VPS35L: variants seen among roughly 807,000 people sequenced by gnomAD.
VPS35L encodes the protein VPS35 endosomal protein sorting factor like, also known as VPS35 endosomal protein-sorting factor-like.
Under a neutral mutation model 133.0 loss-of-function variants are expected in VPS35L, and 83 were observed. The observed-to-expected ratio is 0.62, with a 90% CI of 0.52 to 0.75. VPS35L has a LOEUF of 0.75. Among genes scored for constraint, VPS35L ranks in the 30% least tolerant of loss-of-function variants. VPS35L has a pLI of 0.00. For synonymous variants in VPS35L, 423 were observed against 449.9 expected (o/e 0.94, Z 0.76); for missense variants, 1,083 against 1,206.8 (o/e 0.90, Z 1.52).
Position 19,628,659 on chromosome 16 carries a change from G to C in VPS35L, c.1406G>C (p.Gly469Ala). The change falls in exon 17 of 31, where the codon GGA becomes GCA. Residue 469 changes from glycine to alanine, a missense_variant. By Grantham distance (60) the Gly-to-Ala change is moderately conservative. Coordinates refer to ENST00000417362, the MANE Select transcript of VPS35L (RefSeq NM_020314.7). ...FPKHLLFRSL[G>A]LNLALADPPE... The stretch of plus-strand genomic sequence containing the variant: ...TAGCATCTTCTTTTTCGATCACTGG[G>C]ATTAAACTTGGCCTTGGCTGATCCT... 6.3e-7 allele frequency: 1 copy of C among 1,592,476 alleles called. No homozygotes were observed. The highest frequency in any genetic ancestry group is 8.6e-7 in the Non-Finnish European group (1 of 1,165,530).
intron 16 of VPS35L, 151 bp downstream of exon 16, chr16:19,627,956 G>C (rs887299870): frequency 1.2e-5 from 8 of 664,982 alleles, no homozygotes; most frequent in Admixed American, 2.4e-5. Context: ...AGATGAGTTA[G>C]AGGTTGGGAT....
intron 26 of VPS35L, among the ~76,000 whole-genome samples, chr16:19,660,035 A>T (rs1974428118): frequency 6.6e-6 from 1 of 152,108 alleles, no homozygotes; most frequent in African/African-American, 2.4e-5. Context: ...TTAAGAACTT[A>T]CGATTTTTGG....
chr16:19,638,068 A>G (rs1413758356), intron 20 of VPS35L, among the ~76,000 whole-genome samples: 1 of 152,170 alleles, frequency 6.6e-6, no homozygotes, highest in Non-Finnish European at 1.5e-5. Context: ...AGTGTCTGAC[A>G]GTTGAGATTT....
Position 19,691,415 on chromosome 16 carries a change from T to C in VPS35L, c.2590T>C (p.Cys864Arg). 1.2e-6 allele frequency: 2 copies of C among 1,614,068 alleles called. No individual in the cohort carries two copies. The highest frequency in any genetic ancestry group is 2.2e-5 in the East Asian group (1 of 44,878). Residue 864 changes from cysteine (C) to arginine (R), a missense_variant, in exon 29 of 31, where the codon TGT (cysteine) becomes CGT (arginine). By Grantham distance (180) the Cys-to-Arg change is radical. Transcript: ENST00000417362. ...GTTCCTGGCAGAAAACAACAAGCTG[T>C]GTGAGACGGTGATGGCTCAGATCCT... ...SKFLAENNKL[C>R]ETVMAQILEH...
At chr16:19,627,875 G>A (rs957464462) in intron 16 of VPS35L, 70 bp downstream of exon 16, 2 of 1,301,466 alleles carry the variant, frequency 1.5e-6, no homozygotes, top group Admixed American at 3.4e-5. Flanking sequence ...TTGAGAGACA[G>A]TCCGGTTTTG....
chr16:19,618,903 A>G (rs1438801891), intron 14 of VPS35L, among the ~76,000 whole-genome samples: 1 of 146,546 alleles, frequency 6.8e-6, no homozygotes, highest in Non-Finnish European at 1.5e-5. Flanking sequence ...AGCGTAACTT[A>G]TTTTTCTTTG....
At chr16:19,690,690 C>T (rs931551992) in intron 28 of VPS35L, among the ~76,000 whole-genome samples, 1 of 152,182 alleles carries the variant, frequency 6.6e-6, no homozygotes, top group Admixed American at 6.5e-5. Flanking sequence ...GTGGCTCACA[C>T]CTGTAATCCC....
At chr16:19,642,607 C>T (rs1973820784) in intron 22 of VPS35L, 131 bp downstream of exon 22, 1 of 729,694 alleles carries the variant, frequency 1.4e-6, no homozygotes, top group East Asian at 2.9e-5. Context: ...AAGATTTTTG[C>T]TAACGAGGAC....
intron 14 of VPS35L, among the ~76,000 whole-genome samples, chr16:19,624,897 C>T (rs960563609): frequency 6.6e-6 from 1 of 152,116 alleles, no homozygotes; most frequent in Admixed American, 6.5e-5. Flanking sequence ...GGACTTAGCC[C>T]GAAACCTGGG....
At chr16:19,691,838 C>G (rs115498522) in intron 29 of VPS35L, among the ~76,000 whole-genome samples, 4,645 of 152,074 alleles carry the variant, frequency 0.031, 206 homozygotes, top group African/African-American at 0.1. Context: ...CCTCAGCTCC[C>G]TGACTAGAAT....
At chr16:19,612,752 C>T (rs548761322) in intron 12 of VPS35L, among the ~76,000 whole-genome samples, 8 of 152,198 alleles carry the variant, frequency 5.3e-5, no homozygotes, top group African/African-American at 1.9e-4. Flanking sequence ...TTTTTGCAAG[C>T]CTGTTCCCTT....
At chr16:19,623,722 A>T (rs1179098880) in intron 14 of VPS35L, among the ~76,000 whole-genome samples, 1 of 149,530 alleles carries the variant, frequency 6.7e-6, no homozygotes, top group East Asian at 1.9e-4. Context: ...AGACGTAGAT[A>T]TAGATCCCTT....
chr16:19,612,585 A>G (rs1972758990), intron 12 of VPS35L, among the ~76,000 whole-genome samples: 1 of 152,006 alleles, frequency 6.6e-6, no homozygotes, highest in Non-Finnish European at 1.5e-5. Flanking sequence ...GCTGCCTTTT[A>G]CCTTGTAGAA....
chr16:19,651,274 CATTT>C (rs1336608295), intron 25 of VPS35L, among the ~76,000 whole-genome samples: 2 of 147,298 alleles, frequency 1.4e-5, no homozygotes, highest in Admixed American at 6.7e-5. Context: ...GCTATTCATT[CATTT>C]ATTTATTTTT....
At chr16:19,632,927 T>C (rs562698659) in intron 18 of VPS35L, among the ~76,000 whole-genome samples, 165 bp from the exon 19 acceptor site, 2 of 152,242 alleles carry the variant, frequency 1.3e-5, no homozygotes, top group Non-Finnish European at 2.9e-5. Flanking sequence ...GACCGGGTGA[T>C]ATGAGTGAGA....
chr16:19,622,140 C>CTTTTTTTGTT (rs1973102716), intron 14 of VPS35L, among the ~76,000 whole-genome samples: 1 of 107,918 alleles, frequency 9.3e-6, no homozygotes, highest in Admixed American at 1.1e-4. Context: ...CCATGTATAT[C>CTTTTTTTGTT]TTTTTTTTTT....
chr16:19,638,907 C>A (rs1973701743), intron 20 of VPS35L, among the ~76,000 whole-genome samples: 1 of 152,148 alleles, frequency 6.6e-6, no homozygotes, highest in Admixed American at 6.5e-5. Flanking sequence ...GAGTTCCAGA[C>A]CAGCCTGGCC....
intron 28 of VPS35L, among the ~76,000 whole-genome samples, chr16:19,684,608 T>C (rs939975550): frequency 1.1e-4 from 16 of 152,194 alleles, no homozygotes; most frequent in Non-Finnish European, 1.2e-4. Context: ...AGCTTTACTA[T>C]GAGGACAGGC....
chr16:19,667,908 G>GT (rs1974750309), intron 26 of VPS35L, among the ~76,000 whole-genome samples: 1 of 152,068 alleles, frequency 6.6e-6, no homozygotes, highest in Non-Finnish European at 1.5e-5. Flanking sequence ...TGTGGAAGGG[G>GT]TTTGAGTTTG....
Sources: gnomAD v4.1 joint callset for allele counts (sites outside exome capture counted in the v4.1 genomes callset) on GRCh38, gnomAD v4.1.1 for gene constraint, MANE v1.5 for transcripts, NCBI Gene and HGNC (gene_info 2026-07-23, HGNC 2026-07-21) for gene names.